The following CASP6 variants were observed in gnomAD, a reference collection of about 807,000 sequenced individuals.
The protein encoded by CASP6 is caspase 6, also known as caspase-6.
CASP6 carries 20 observed loss-of-function variants against 31.8 expected under a neutral mutation model. The ratio of observed to expected loss-of-function variants is 0.63; its 90% CI spans 0.44 to 0.91. The LOEUF (loss-of-function observed/expected upper bound fraction) is 0.91, where lower values mean the gene tolerates loss of function less well. Ranked by LOEUF, CASP6 falls within the 40% of genes least tolerant of loss-of-function variation. The pLI is 0.00. For synonymous variants in CASP6, 130 were observed against 127.8 expected (o/e 1.02, Z -0.12); for missense variants, 328 against 361.1 (o/e 0.91, Z 0.74).
the CASP6 span, chr4:109,682,548 G>C: frequency 6.4e-7 from 1 of 1,565,394 alleles, no homozygotes; most frequent in East Asian, 2.2e-5. Flanking sequence ...GAACAATGTG[G>C]TGACTGGCTT....
chr4:109,684,622 T>C (rs1284289629), downstream of CASP6: 1 of 1,550,532 alleles, frequency 6.4e-7, no homozygotes. Flanking sequence ...TGGTCTTTTT[T>C]GCATACTTTA....
chr4:109,694,572 C>G lies in CASP6; in HGVS notation c.436G>C (p.Asp146His), dbSNP rs767342649. 21 of 1,609,810 alleles carry G rather than the reference C, an allele frequency of 1.3e-5. No homozygotes were observed. Among genetic ancestry groups the G allele is most frequent in the Non-Finnish European group, 1.0e-5 (12 of 1,178,272 alleles). Residue 146 changes from aspartate to histidine, a missense_variant, in exon 5 of 7, where the codon GAC (aspartate) becomes CAC (histidine). By Grantham distance (81) the Asp-to-His change is moderately conservative (BLOSUM62 -1). Coordinates refer to ENST00000265164, the MANE Select transcript of CASP6 (RefSeq NM_001226.4). ...TTTCCAACCAGGCTGTGACACTTGT[C>G]TCCTTTGAACAAGCCAGTTAATGTC... ...IQTLTGLFKGDKCHSLVGKPK... is the reference protein window; with the variant it reads ...IQTLTGLFKGHKCHSLVGKPK...
the CASP6 span, among the ~76,000 whole-genome samples, chr4:109,673,146 G>A: frequency 7.9e-5 from 12 of 152,192 alleles, no homozygotes; most frequent in African/African-American, 2.7e-4. Flanking sequence ...AAATATGGAA[G>A]AGGAAATCCC....
At chr4:109,706,168 T>TATATAC (rs1438834395), upstream of CASP6, among the ~76,000 whole-genome samples, 61 of 92,470 alleles carry the variant, frequency 6.6e-4, 1 homozygote, top group Non-Finnish European at 8.5e-4. Flanking sequence ...TATATATATA[T>TATATAC]ATACACACAC....
At chr4:109,673,789 C>A in the CASP6 span, 1 of 628,656 alleles carries the variant, frequency 1.6e-6, no homozygotes, top group Non-Finnish European at 2.9e-6. Flanking sequence ...GATCAGAAGC[C>A]GGTTGGCGGG....
the CASP6 span, among the ~76,000 whole-genome samples, chr4:109,680,912 A>G: frequency 3.9e-5 from 6 of 152,296 alleles, no homozygotes; most frequent in East Asian, 1.2e-3. Flanking sequence ...TATCAATCTG[A>G]GGGACTTCTC....
Position 109,689,527 on chromosome 4 carries a change from T to C in CASP6, c.685A>G (p.Ile229Val), listed in dbSNP as rs376409522. Residue 229 changes from isoleucine to valine, a missense_variant, in exon 7 of 7, where the codon ATT becomes GTT. Ile to Val is a conservative substitution (Grantham distance 29). Coordinates refer to ENST00000265164, the MANE Select transcript of CASP6 (RefSeq NM_001226.4). Reference protein sequence around the residue: ...HRETVNGSWYIQDLCEMLGKY... With the variant: ...HRETVNGSWYVQDLCEMLGKY... ...CCCAACATCTCACACAAATCTTGAATGTACCATGAGCCGTTCACAGTTTCC... is the reference window on the plus strand; with the variant it reads ...CCCAACATCTCACACAAATCTTGAACGTACCATGAGCCGTTCACAGTTTCC... 4.4e-5 allele frequency: 71 copies of C among 1,614,076 alleles called. No individual in the cohort carries two copies. Among genetic ancestry groups the C allele is most frequent in the African/African-American group, 6.7e-5 (5 of 74,932 alleles).
At chr4:109,694,742 T>C in intron 4 of CASP6, 42 bp from the exon 5 acceptor site, 1 of 1,425,696 alleles carries the variant, frequency 7.0e-7, no homozygotes, top group Admixed American at 2.6e-5. Flanking sequence ...GAAAATATGA[T>C]GCTTGTTATC....
chr4:109,666,272 G>A, the CASP6 span, among the ~76,000 whole-genome samples: 1 of 152,150 alleles, frequency 6.6e-6, no homozygotes, highest in Non-Finnish European at 1.5e-5. Flanking sequence ...ACATGCGCAG[G>A]CTTTTGTTTG....
the CASP6 span, chr4:109,674,147 G>A: frequency 7.5e-6 from 9 of 1,198,670 alleles, no homozygotes; most frequent in Non-Finnish European, 1.1e-5. Context: ...TGCCTTGTTG[G>A]AGGAGCTTGC....
intron 5 of CASP6, among the ~76,000 whole-genome samples, chr4:109,694,268 C>T (rs924745058): frequency 2.0e-5 from 3 of 152,176 alleles, no homozygotes; most frequent in Non-Finnish European, 4.4e-5. Flanking sequence ...GTATCAGGCT[C>T]GGACAGGGAG....
intron 1 of CASP6, among the ~76,000 whole-genome samples, chr4:109,700,290 C>T (rs1023339831): frequency 6.6e-5 from 10 of 152,136 alleles, no homozygotes; most frequent in Middle Eastern, 3.2e-3. Flanking sequence ...TCAAATATGC[C>T]CTCACATTAG....
downstream of CASP6, chr4:109,684,656 T>G (rs1446126075): frequency 7.7e-7 from 1 of 1,295,088 alleles, no homozygotes; most frequent in Non-Finnish European, 1.1e-6. Context: ...GGTGAGTAGT[T>G]TGTTAGGAAA....
chr4:109,688,764 T>C lies in CASP6; in HGVS notation c.*566A>G, dbSNP rs1254279702. 6.6e-6 allele frequency: 1 copy of C among 152,128 alleles called. No individual in the cohort carries two copies. Among genetic ancestry groups the C allele is most frequent in the Non-Finnish European group, 1.5e-5 (1 of 68,036 alleles). 9.4% of individuals were successfully genotyped at this position (152,128 alleles called of 1,614,324 possible). On this transcript the variant is annotated 3_prime_UTR_variant, in exon 7 of 7. Coordinates refer to ENST00000265164, the MANE Select transcript of CASP6 (RefSeq NM_001226.4). ...GCTAGATTTTTGTGTAACCCTGCAG[T>C]TTATTAAAAAATAATACAAATGCTT...
At chr4:109,705,840 A>G (rs532127734), upstream of CASP6, among the ~76,000 whole-genome samples, 86 of 148,260 alleles carry the variant, frequency 5.8e-4, no homozygotes, top group Middle Eastern at 3.4e-3. Flanking sequence ...ATTAGCCAAG[A>G]GTGGTGGCAC....
chr4:109,705,616 G>A (rs575666128), upstream of CASP6, among the ~76,000 whole-genome samples: 2 of 152,170 alleles, frequency 1.3e-5, no homozygotes, highest in African/African-American at 4.8e-5. Flanking sequence ...TGATTCATGG[G>A]AGGTCAAAAT....
At chr4:109,671,406 G>T in the CASP6 span, among the ~76,000 whole-genome samples, 5 of 151,804 alleles carry the variant, frequency 3.3e-5, no homozygotes, top group South Asian at 2.1e-4. Flanking sequence ...ATTTTGTTAG[G>T]TTTTTTTTCC....
chr4:109,686,787 G>T (rs958814534), downstream of CASP6, among the ~76,000 whole-genome samples: 1 of 152,124 alleles, frequency 6.6e-6, no homozygotes, highest in Admixed American at 6.5e-5. Context: ...GAAGCAGGAA[G>T]ATCCCTTGAA....
intron 5 of CASP6, among the ~76,000 whole-genome samples, chr4:109,693,664 G>A (rs561692096): frequency 2.8e-5 from 4 of 140,530 alleles, no homozygotes; most frequent in South Asian, 4.4e-4. Context: ...CAGCCTGGGG[G>A]ACAGAGCGAG....
Sources: gnomAD v4.1 joint callset for allele counts (sites outside exome capture counted in the v4.1 genomes callset) on GRCh38, gnomAD v4.1.1 for gene constraint, MANE v1.5 for transcripts, NCBI Gene and HGNC (gene_info 2026-07-23, HGNC 2026-07-21) for gene names.